The following CLSTN2 variants were observed in gnomAD, a reference collection of about 807,000 sequenced individuals.
CLSTN2 encodes the protein calsyntenin 2.
A neutral mutation model predicts 101.2 loss-of-function variants in CLSTN2; 48 were observed. The observed-to-expected ratio is 0.47, with a 90% confidence interval of 0.38 to 0.60. The LOEUF (loss-of-function observed/expected upper bound fraction) is 0.60. CLSTN2 is among the 20% of genes least tolerant of loss of function. CLSTN2 has a pLI of 0.00. For missense variants in CLSTN2, 1,160 were observed against 1,238.2 expected, an observed-to-expected ratio of 0.94 and a Z score of 0.95; for synonymous variants, 481 against 463.6, an observed-to-expected ratio of 1.04 and a Z score of -0.48.
At chr3:140,440,768 A>G (rs1376569921) in intron 5 of CLSTN2, among the ~76,000 whole-genome samples, 1 of 152,204 alleles carries the variant, frequency 6.6e-6, no homozygotes, top group Non-Finnish European at 1.5e-5. Context: ...CCTTTGGGGC[A>G]ATTAATTAAT....
At chr3:140,274,243 A>C (rs540531592) in intron 2 of CLSTN2, among the ~76,000 whole-genome samples, 1 of 152,238 alleles carries the variant, frequency 6.6e-6, no homozygotes, top group South Asian at 2.1e-4. Flanking sequence ...CTTCCTAGAT[A>C]AGAAAGTATG....
chr3:140,456,136 C>T (rs77806737), intron 6 of CLSTN2, among the ~76,000 whole-genome samples: 12,723 of 152,230 alleles, frequency 0.084, 742 homozygotes, highest in East Asian at 0.2. Flanking sequence ...GCTGGGCCTG[C>T]TTCTAGCTAG....
At chr3:140,301,679 A>G (rs570596809) in intron 2 of CLSTN2, among the ~76,000 whole-genome samples, 3 of 152,336 alleles carry the variant, frequency 2.0e-5, no homozygotes, top group Middle Eastern at 3.4e-3. Flanking sequence ...GAGAATTTCT[A>G]TTTTAGAGAA....
At chr3:140,353,088 A>G (rs2087628317) in intron 2 of CLSTN2, among the ~76,000 whole-genome samples, 1 of 152,074 alleles carries the variant, frequency 6.6e-6, no homozygotes, top group Non-Finnish European at 1.5e-5. Context: ...TAATCTAGAG[A>G]TTACTTAAAG....
intron 1 of CLSTN2, among the ~76,000 whole-genome samples, chr3:140,173,518 G>T (rs1210184838): frequency 6.6e-6 from 1 of 152,180 alleles, no homozygotes; most frequent in Non-Finnish European, 1.5e-5. Context: ...GCTCCACTAG[G>T]CGATTCCCCA....
At chr3:139,954,099 G>A (rs928284063) in intron 1 of CLSTN2, among the ~76,000 whole-genome samples, 1 of 152,116 alleles carries the variant, frequency 6.6e-6, no homozygotes, top group African/African-American at 2.4e-5. Flanking sequence ...TACCTGATAG[G>A]TAGTTTCTTG....
At chr3:140,290,934 T>C (rs964830098) in intron 2 of CLSTN2, among the ~76,000 whole-genome samples, 1 of 152,226 alleles carries the variant, frequency 6.6e-6, no homozygotes, top group East Asian at 1.9e-4. Context: ...CACCCCTCTC[T>C]CCCAGATCAT....
intron 1 of CLSTN2, among the ~76,000 whole-genome samples, chr3:139,958,990 A>G (rs942407665): frequency 6.6e-6 from 1 of 151,700 alleles, no homozygotes; most frequent in Non-Finnish European, 1.5e-5. Context: ...TGTCTTGCCA[A>G]CTTGCTTATG....
intron 1 of CLSTN2, among the ~76,000 whole-genome samples, chr3:140,076,631 T>TTTTTTG (rs1576418603): frequency 1.4e-5 from 2 of 137,974 alleles, no homozygotes; most frequent in East Asian, 4.3e-4. Context: ...CAGTGTTTTT[T>TTTTTTG]TTTTTTTTTT....
At chr3:140,432,277 G>A (rs1042517785) in intron 5 of CLSTN2, among the ~76,000 whole-genome samples, 2 of 152,218 alleles carry the variant, frequency 1.3e-5, no homozygotes, top group Non-Finnish European at 2.9e-5. Context: ...GCCTTGTTAT[G>A]AGGACCAGCT....
chr3:140,188,319 G>C (rs986684728), intron 2 of CLSTN2, among the ~76,000 whole-genome samples: 1 of 152,302 alleles, frequency 6.6e-6, no homozygotes, highest in Admixed American at 6.5e-5. Context: ...TTATCCTTAT[G>C]TCCTAGCACA....
chr3:140,314,576 C>T (rs2087210238), intron 2 of CLSTN2, among the ~76,000 whole-genome samples: 1 of 150,114 alleles, frequency 6.7e-6, no homozygotes, highest in African/African-American at 2.5e-5. Context: ...TCAGCCAGTG[C>T]TTTTTTTTTT....
intron 2 of CLSTN2, among the ~76,000 whole-genome samples, chr3:140,392,745 G>GA (rs2088130532): frequency 6.6e-6 from 1 of 151,756 alleles, no homozygotes; most frequent in African/African-American, 2.4e-5. Flanking sequence ...GGAAGCAGAG[G>GA]AAAAAAATAA....
At position 140,421,196 on chromosome 3, in the gene CLSTN2, G is replaced by A. The variant is rs375249688; in HGVS notation, c.709G>A (p.Asp237Asn). ...HQYEILVTAY[D>N]CGQKPAAQDT... ...GTATGAGATCCTGGTGACCGCCTAC[G>A]ACTGTGGACAGAAGCCCGCTGCTCA... The change falls in exon 5 of 17, where the codon GAC becomes AAC. Residue 237 changes from aspartate to asparagine, a missense_variant. Transcript: ENST00000458420. 42 of 1,614,044 alleles carry A rather than the reference G, an allele frequency of 2.6e-5. No homozygotes were observed. Among genetic ancestry groups the A allele is most frequent in the African/African-American group, 6.7e-5 (5 of 74,934 alleles).
chr3:140,263,810 C>T (rs1349991649), intron 2 of CLSTN2, among the ~76,000 whole-genome samples: 1 of 152,088 alleles, frequency 6.6e-6, no homozygotes, highest in East Asian at 1.9e-4. Flanking sequence ...TAGGGAGAAA[C>T]ATCCTTGAAA....
chr3:140,541,848 G>A (rs114734584), intron 9 of CLSTN2, among the ~76,000 whole-genome samples: 439 of 152,140 alleles, frequency 2.9e-3, no homozygotes, highest in Non-Finnish European at 5.4e-3. Context: ...TCTATACGCA[G>A]ACCTCCTCCA....
At chr3:140,244,575 C>T (rs1480312847) in intron 2 of CLSTN2, among the ~76,000 whole-genome samples, 1 of 152,140 alleles carries the variant, frequency 6.6e-6, no homozygotes, top group Non-Finnish European at 1.5e-5. Flanking sequence ...AACCCTGGCC[C>T]TTAAGTTCAT....
intron 2 of CLSTN2, among the ~76,000 whole-genome samples, chr3:140,307,793 A>G (rs746018650): frequency 1.3e-5 from 2 of 152,224 alleles, no homozygotes; most frequent in Non-Finnish European, 2.9e-5. Context: ...TCATGTGAGC[A>G]GAGGAGTCTG....
chr3:140,509,650 TG>T (rs35816032), intron 8 of CLSTN2, among the ~76,000 whole-genome samples: 56,741 of 151,982 alleles, frequency 0.37, 11,878 homozygotes, highest in African/African-American at 0.56. Context: ...TAATAGTGAA[TG>T]GGGGGGCCTC....
Sources: allele counts gnomAD v4.1 joint callset (sites outside exome capture counted in the v4.1 genomes callset), GRCh38; gene constraint gnomAD v4.1.1; transcripts MANE v1.5; gene names NCBI Gene and HGNC (gene_info 2026-07-23, HGNC 2026-07-21).